The following GRHL2 variants were observed in gnomAD, a reference collection of about 807,000 sequenced individuals.
The protein encoded by GRHL2 is grainyhead-like protein 2 homolog.
In GRHL2, 21 loss-of-function variants were observed where a neutral mutation model predicts 83.8. That is an observed-to-expected ratio of 0.25 (90% CI 0.18 to 0.36). The LOEUF (loss-of-function observed/expected upper bound fraction) is 0.36. Among genes scored for constraint, GRHL2 ranks in the 10% least tolerant of loss-of-function variants. The pLI, the probability that GRHL2 is intolerant of heterozygous loss-of-function variation, is 1.00. For synonymous variants in GRHL2, 280 were observed against 278.9 expected, an observed-to-expected ratio of 1.00 and a Z score of -0.04; for missense variants, 623 against 781.8, an observed-to-expected ratio of 0.80 and a Z score of 2.42.
chr8:101,639,665 CA>C (rs1303675023), intron 12 of GRHL2, among the ~76,000 whole-genome samples: 1 of 152,214 alleles, frequency 6.6e-6, no homozygotes, highest in Non-Finnish European at 1.5e-5. Flanking sequence ...CCAGCCTTGA[CA>C]AAGGCACACC....
rs1045574128 is a variant in GRHL2 at position 101,667,025 on chromosome 8, G to C, written c.*322G>C. ...GCAGGTCACTGCTAGCTCCAGATGA[G>C]ACCGTCCAGCGTTCCCCCTTCAAGA... On this transcript the variant is annotated 3_prime_UTR_variant, in exon 16 of 16. Coordinates refer to ENST00000646743, the MANE Select transcript of GRHL2 (RefSeq NM_024915.4). 1 of 453,696 alleles carries C rather than the reference G, an allele frequency of 2.2e-6. No individual in the cohort carries two copies. The highest frequency in any genetic ancestry group is 4.1e-6 in the Non-Finnish European group (1 of 245,500). The allele number at this position is 453,696 out of a possible 1,614,324, so 28.1% of individuals were successfully genotyped here.
rs1218237516 is a variant in GRHL2 at position 101,605,293 on chromosome 8, A to G, written c.1098+6142A>G. Among the ~76,000 whole-genome samples the G allele has an allele frequency of 2.6e-5, 4 of 152,218 alleles. No individual in the cohort carries two copies. In the East Asian group the frequency reaches 5.8e-4, roughly 22 times the overall value. On this transcript the variant is annotated intron_variant, in intron 8 of 15. Coordinates refer to ENST00000646743, the MANE Select transcript of GRHL2 (RefSeq NM_024915.4). ...TTAGATTCTGATTCCACTAAATATTACCTCTCAACATATCAGGCCCTGCAA... is the reference window on the plus strand; with the variant it reads ...TTAGATTCTGATTCCACTAAATATTGCCTCTCAACATATCAGGCCCTGCAA...
chr8:101,523,757 G>A (rs1810744763), intron 1 of GRHL2, among the ~76,000 whole-genome samples: 2 of 152,094 alleles, frequency 1.3e-5, no homozygotes, highest in African/African-American at 2.4e-5. Context: ...AGAATTACAA[G>A]TGTGAGCCAC....
At chr8:101,671,539 T>A (rs1229140870), downstream of GRHL2, among the ~76,000 whole-genome samples, 4 of 152,100 alleles carry the variant, frequency 2.6e-5, no homozygotes, top group Non-Finnish European at 5.9e-5. Flanking sequence ...GCTGGGAAGC[T>A]CGAACTGGGT....
intron 7 of GRHL2, among the ~76,000 whole-genome samples, chr8:101,596,665 G>T (rs868128070): frequency 6.6e-6 from 1 of 152,146 alleles, no homozygotes; most frequent in African/African-American, 2.4e-5. Flanking sequence ...AGAAATAATT[G>T]TTACAGTATT....
chr8:101,647,298 G>C (rs963260010), intron 13 of GRHL2, among the ~76,000 whole-genome samples: 1 of 152,228 alleles, frequency 6.6e-6, no homozygotes, highest in Non-Finnish European at 1.5e-5. Flanking sequence ...CTGGGAGGCA[G>C]AGGTTGCAGT....
In GRHL2 at chr8:101,556,823, CCCTAGTCCTTCAAATTACCATGTTTGT is replaced by C. The variant is rs571683607; in HGVS notation, c.285-1565_285-1539del. On this transcript the variant is annotated intron_variant, in intron 3 of 15. Coordinates refer to ENST00000646743, the MANE Select transcript of GRHL2 (RefSeq NM_024915.4). ...AATGGTAAAAAATATCCTCCCCACT[CCCTAGTCCTTCAAATTACCATGTTTGT>C]CCTAGTCCTTCAAATTACCATGTTT... Among the ~76,000 whole-genome samples the C allele has an allele frequency of 4.8e-3, 736 of 152,290 alleles. 5 individuals are homozygous for C. The highest frequency in any genetic ancestry group is 0.016 in the African/African-American group (677 of 41,548).
rs191104483 is a variant in GRHL2 at position 101,537,499 on chromosome 8, T to C, written c.21-5742T>C. Among the ~76,000 whole-genome samples the C allele has an allele frequency of 6.6e-5, 10 of 152,324 alleles. No individual in the cohort carries two copies. In the East Asian group the frequency reaches 1.9e-3, roughly 29 times the overall value. ...GGAGTTAAGACCTGAAAACAGTCCA[T>C]TGGACTTTGAGCTGGTTATTAGTAG... On this transcript the variant is annotated intron_variant, in intron 1 of 15. Transcript: ENST00000646743.
At chr8:101,499,033 C>T (rs1810167479) in intron 1 of GRHL2, among the ~76,000 whole-genome samples, 2 of 151,256 alleles carry the variant, frequency 1.3e-5, no homozygotes, top group Non-Finnish European at 2.9e-5. Flanking sequence ...TGAGATTGTG[C>T]CACTGCGCTC....
At chr8:101,674,590 C>A (rs1328153271), downstream of GRHL2, among the ~76,000 whole-genome samples, 1 of 152,132 alleles carries the variant, frequency 6.6e-6, no homozygotes, top group Non-Finnish European at 1.5e-5. Context: ...AAAAAAAGTC[C>A]AGGACCAGAT....
At chr8:101,539,784 A>G (rs190444638) in intron 1 of GRHL2, among the ~76,000 whole-genome samples, 1 of 152,282 alleles carries the variant, frequency 6.6e-6, no homozygotes, top group African/African-American at 2.4e-5. Flanking sequence ...TGACCAGCAC[A>G]TTCCTACCTA....
At chr8:101,542,759 T>G (rs1335722469) in intron 1 of GRHL2, 1 of 456,624 alleles carries the variant, frequency 2.2e-6, no homozygotes, top group East Asian at 6.9e-5. Flanking sequence ...GACCAAGGAC[T>G]TCTTGCTGCA....
At chr8:101,572,218 T>C (rs537212022) in intron 5 of GRHL2, among the ~76,000 whole-genome samples, 1 of 152,344 alleles carries the variant, frequency 6.6e-6, no homozygotes, top group South Asian at 2.1e-4. Flanking sequence ...TGATTCCTAA[T>C]ATCCTGTCCA....
intron 14 of GRHL2, among the ~76,000 whole-genome samples, chr8:101,663,997 A>G (rs1489413299): frequency 6.6e-6 from 1 of 151,946 alleles, no homozygotes; most frequent in African/African-American, 2.4e-5. Context: ...GCTTAGAAAG[A>G]TCTTCCTTAC....
chr8:101,676,453 T>C, the GRHL2 span, among the ~76,000 whole-genome samples: 1 of 151,978 alleles, frequency 6.6e-6, no homozygotes, highest in Non-Finnish European at 1.5e-5. Flanking sequence ...AAAAAACACA[T>C]GAAAAAATGC....
intron 12 of GRHL2, among the ~76,000 whole-genome samples, chr8:101,637,791 C>T (rs571494087): frequency 3.9e-5 from 6 of 152,266 alleles, no homozygotes; most frequent in African/African-American, 1.4e-4. Context: ...TGATGTCTAC[C>T]TTCTTTTGAC....
At chr8:101,548,194 C>A (rs1811304933) in intron 2 of GRHL2, among the ~76,000 whole-genome samples, 2 of 152,240 alleles carry the variant, frequency 1.3e-5, no homozygotes, top group East Asian at 3.9e-4. Context: ...CACACCCACC[C>A]AAAAAATATT....
chr8:101,665,803 A>C (rs1814039030), intron 15 of GRHL2, among the ~76,000 whole-genome samples: 1 of 152,156 alleles, frequency 6.6e-6, no homozygotes, highest in Admixed American at 6.5e-5. Context: ...CTGTAAAATG[A>C]TAGAGTCAGT....
At chr8:101,600,631 A>AGC (rs1202972459) in intron 8 of GRHL2, among the ~76,000 whole-genome samples, 1 of 152,228 alleles carries the variant, frequency 6.6e-6, no homozygotes, top group Non-Finnish European at 1.5e-5. Flanking sequence ...AGTCATCCTG[A>AGC]GCAAGTTATC....
Sources: gnomAD v4.1 joint callset for allele counts (sites outside exome capture counted in the v4.1 genomes callset) on GRCh38, gnomAD v4.1.1 for gene constraint, MANE v1.5 for transcripts, NCBI Gene and HGNC (gene_info 2026-07-23, HGNC 2026-07-21) for gene names.